HNF1B: variants seen among roughly 807,000 people sequenced by gnomAD.
The protein encoded by HNF1B is HNF1 homeobox B.
In HNF1B, 8 loss-of-function variants were observed where a neutral mutation model predicts 61.7. That is an observed-to-expected ratio of 0.13 (90% CI 0.08 to 0.23). The LOEUF is 0.23. Ranked by LOEUF, HNF1B falls within the 10% of genes least tolerant of loss-of-function variation. The pLI is 1.00. For synonymous variants in HNF1B, 314 were observed against 287.7 expected, an observed-to-expected ratio of 1.09 and a Z score of -0.93; for missense variants, 562 against 714.5, an observed-to-expected ratio of 0.79 and a Z score of 2.43.
chr17:37,741,435 T>C (rs2033988955), intron 1 of HNF1B, among the ~76,000 whole-genome samples: 1 of 152,140 alleles, frequency 6.6e-6, no homozygotes, highest in African/African-American at 2.4e-5. Flanking sequence ...AAGTACACAA[T>C]ATGAGGAAGT....
At chr17:37,707,033 T>C (rs1428303642) in intron 5 of HNF1B, among the ~76,000 whole-genome samples, 1 of 152,204 alleles carries the variant, frequency 6.6e-6, no homozygotes, top group Admixed American at 6.5e-5. Context: ...CCAGTTTTGC[T>C]GGAGCTTAAA....
intron 5 of HNF1B, among the ~76,000 whole-genome samples, chr17:37,709,818 T>C (rs895831094): frequency 6.6e-6 from 1 of 152,168 alleles, no homozygotes; most frequent in Non-Finnish European, 1.5e-5. Flanking sequence ...ATTTTATAGA[T>C]GAGGAAGAGA....
chr17:37,724,281 T>C (rs542018427), intron 4 of HNF1B, among the ~76,000 whole-genome samples: 1 of 152,100 alleles, frequency 6.6e-6, no homozygotes, highest in South Asian at 2.1e-4. Context: ...AGAAGCTAAA[T>C]TTGAGAACCT....
Position 37,744,529 on chromosome 17 carries a change from C to T in HNF1B, c.344+12G>A. 2 of 1,600,612 alleles carry T rather than the reference C, an allele frequency of 1.2e-6. No homozygotes were observed. Among genetic ancestry groups the T allele is most frequent in the Non-Finnish European group, 1.7e-6 (2 of 1,179,704 alleles). Reference sequence around the variant, plus strand: ...GTTCGGGTGGGTCCCCTCCACCTCGCTCTGCGCCTACCTGAGCATCCGGTC... The same window carrying T: ...GTTCGGGTGGGTCCCCTCCACCTCGTTCTGCGCCTACCTGAGCATCCGGTC... On this transcript the variant is annotated intron_variant, in intron 1 of 8. Coordinates refer to ENST00000617811, the MANE Select transcript of HNF1B (RefSeq NM_000458.4).
chr17:37,744,795 C>T lies in HNF1B; in HGVS notation c.90G>A (p.Leu30=), dbSNP rs1199111983. The T allele has an allele frequency of 7.4e-6, 12 of 1,613,596 alleles. No homozygotes were observed. The highest frequency in any genetic ancestry group is 1.0e-5 in the Non-Finnish European group (12 of 1,180,034). ...GVTKEVLVQA[L]EELLPSPNFG... is the part of the protein sequence containing the mutation. ...AGTTCGGGGATGGCAGCAACTCCTCCAAGGCCTGAACCAGCACCTCCTTGG... is the reference window on the plus strand; with the variant it reads ...AGTTCGGGGATGGCAGCAACTCCTCTAAGGCCTGAACCAGCACCTCCTTGG... The change falls in exon 1 of 9, where the codon TTG becomes TTA. Residue 30 remains leucine, a synonymous_variant. Transcript: ENST00000617811.
rs2033783655 is a variant in HNF1B, at chr17:37,734,718, A to C, written c.545-897T>G. 2.6e-5 allele frequency among the ~76,000 whole-genome samples: 4 copies of C among 151,634 alleles called. No individual in the cohort carries two copies. In the South Asian group the frequency reaches 8.4e-4, roughly 32 times the overall value. ...AGATGAATAAACATGGAGGCTAAGC[A>C]CTCTGCTGAGCAAAGACACGTAATA... On this transcript the variant is annotated intron_variant, in intron 2 of 8. Transcript: ENST00000617811.
At chr17:37,690,990 G>A (rs2032183051) in intron 8 of HNF1B, among the ~76,000 whole-genome samples, 2 of 152,138 alleles carry the variant, frequency 1.3e-5, no homozygotes, top group South Asian at 4.1e-4. Flanking sequence ...TGAGGCCCGG[G>A]GCCCTCCAAC....
chr17:37,700,449 T>C (rs1171666106), intron 7 of HNF1B, among the ~76,000 whole-genome samples: 1 of 152,216 alleles, frequency 6.6e-6, no homozygotes, highest in Non-Finnish European at 1.5e-5. Context: ...GCCACTGGTA[T>C]TTTTCACTTG....
chr17:37,697,686 C>T (rs1190706427), intron 8 of HNF1B, among the ~76,000 whole-genome samples: 3 of 152,244 alleles, frequency 2.0e-5, no homozygotes, highest in East Asian at 1.9e-4. Flanking sequence ...AAATGTTTTC[C>T]CTGCCCACTA....
At chr17:37,710,236 C>T (rs528489992) in intron 5 of HNF1B, among the ~76,000 whole-genome samples, 6 of 152,282 alleles carry the variant, frequency 3.9e-5, no homozygotes, top group Admixed American at 3.3e-4. Flanking sequence ...AGTGTCCCAC[C>T]GGGCTTGCTC....
chr17:37,696,158 T>C (rs2147433413), intron 8 of HNF1B, among the ~76,000 whole-genome samples: 1 of 151,952 alleles, frequency 6.6e-6, no homozygotes, highest in Non-Finnish European at 1.5e-5. Context: ...TTTAAAAGAG[T>C]CTAGGGCTAG....
In HNF1B at chr17:37,733,886, A is replaced by G. The variant is rs916902650; in HGVS notation, c.545-65T>C. The G allele has an allele frequency of 4.6e-4, 724 of 1,576,358 alleles. 6 individuals are homozygous for G. The Admixed American group carries it at 0.011, about 24-fold the overall frequency. ...CTTCACTCAGCAGACAGACAGACAG[A>G]CAGACAGACAACGGACGAAGACACC... On this transcript the variant is annotated intron_variant, in intron 2 of 8. Coordinates refer to ENST00000617811, the MANE Select transcript of HNF1B (RefSeq NM_000458.4).
intron 6 of HNF1B, among the ~76,000 whole-genome samples, chr17:37,703,105 C>T (rs2032625310): frequency 6.6e-6 from 1 of 152,238 alleles, no homozygotes; most frequent in Non-Finnish European, 1.5e-5. Context: ...TGGTACTCAA[C>T]ACATCAGTCA....
intron 4 of HNF1B, among the ~76,000 whole-genome samples, chr17:37,723,920 G>C: frequency 6.6e-6 from 1 of 152,162 alleles, no homozygotes; most frequent in East Asian, 1.9e-4. Context: ...AGATTCCAGA[G>C]ACTTGCCCAA....
chr17:37,739,498 G>T lies in HNF1B; in HGVS notation c.486C>A (p.Thr162=), dbSNP rs1272944975. Residue 162 remains threonine (T), a synonymous_variant, in exon 2 of 9, where the codon ACC becomes ACA. Transcript: ENST00000617811. ...QHLNKGTPMK[T]QKRAALYTWY... is the part of the protein sequence containing the mutation. Reference sequence around the variant, plus strand: ...AGGTGTACAGAGCGGCACGCTTCTGGGTCTTCATAGGGGTGCCCTTGTTGA... The same window carrying T: ...AGGTGTACAGAGCGGCACGCTTCTGTGTCTTCATAGGGGTGCCCTTGTTGA... 1.2e-6 allele frequency: 2 copies of T among 1,613,944 alleles called. No individual in the cohort carries two copies. The highest frequency in any genetic ancestry group is 1.7e-6 in the Non-Finnish European group (2 of 1,180,018).
At chr17:37,700,535 T>G (rs763053371) in intron 7 of HNF1B, among the ~76,000 whole-genome samples, 9 of 152,306 alleles carry the variant, frequency 5.9e-5, no homozygotes, top group East Asian at 1.9e-4. Flanking sequence ...TTCTTCTCTT[T>G]TAGGGAAGGC....
chr17:37,705,077 C>G, intron 5 of HNF1B, 28 bp from the exon 6 acceptor site: 2 of 1,606,254 alleles, frequency 1.2e-6, no homozygotes, highest in Non-Finnish European at 1.7e-6. Context: ...ACAAGAGAAA[C>G]ATGGGTGGAC....
chr17:37,744,396 G>A, intron 1 of HNF1B, 145 bp downstream of exon 1: 1 of 786,044 alleles, frequency 1.3e-6, no homozygotes, highest in Non-Finnish European at 2.1e-6. Flanking sequence ...GGGTCCGGGT[G>A]TTGGGAGAGA....
intron 8 of HNF1B, among the ~76,000 whole-genome samples, chr17:37,694,298 C>G (rs1475416692): frequency 6.6e-6 from 1 of 152,134 alleles, no homozygotes; most frequent in African/African-American, 2.4e-5. Context: ...GCGTGGTGGC[C>G]TGTGCCTGTA....
Sources: gnomAD v4.1 joint callset for allele counts (sites outside exome capture counted in the v4.1 genomes callset) on GRCh38, gnomAD v4.1.1 for gene constraint, MANE v1.5 for transcripts, NCBI Gene and HGNC (gene_info 2026-07-23, HGNC 2026-07-21) for gene names.